Variants in CDH11 observed in about 807,000 individuals in gnomAD.
CDH11 encodes the protein cadherin-11.
CDH11 carries 11 observed loss-of-function variants against 67.8 expected under a neutral mutation model. That is an observed-to-expected ratio of 0.16 (90% CI 0.10 to 0.27). The LOEUF (loss-of-function observed/expected upper bound fraction) is 0.27, where lower values mean the gene tolerates loss of function less well. CDH11 is among the 10% of genes least tolerant of loss of function. The pLI is 1.00. For synonymous variants in CDH11, 419 were observed against 400.0 expected (o/e 1.05, Z -0.57); for missense variants, 847 against 1,031.2 (o/e 0.82, Z 2.45).
At position 64,948,606 on chromosome 16, in the gene CDH11, T is replaced by C. The variant is rs554550516; in HGVS notation, c.1895-507A>G. 207 of 1,608,718 alleles carry C rather than the reference T, an allele frequency of 1.3e-4. 2 individuals are homozygous for C. In the South Asian group the frequency reaches 2.2e-3, roughly 17 times the overall value. On this transcript the variant is annotated intron_variant, in intron 12 of 12. Transcript: ENST00000268603. Reference sequence around the variant, plus strand: ...CCTATACTAACTTAATGGGAAGTCTTACCGTAAGTGTGGTTGGACTCTCTG... The same window carrying C: ...CCTATACTAACTTAATGGGAAGTCTCACCGTAAGTGTGGTTGGACTCTCTG...
intron 1 of CDH11, among the ~76,000 whole-genome samples, chr16:65,109,110 C>G (rs1193128782): frequency 3.3e-5 from 5 of 151,940 alleles, no homozygotes; most frequent in African/African-American, 7.3e-5. Flanking sequence ...CAGCGCCACT[C>G]TACTCCAGCC....
chr16:65,039,800 C>T (rs2073829246), intron 2 of CDH11, among the ~76,000 whole-genome samples: 1 of 152,196 alleles, frequency 6.6e-6, no homozygotes, highest in South Asian at 2.1e-4. Context: ...AAAATTTTTG[C>T]AGTCTACTCA....
chr16:65,054,833 C>G (rs922450887), intron 1 of CDH11, among the ~76,000 whole-genome samples: 1 of 152,182 alleles, frequency 6.6e-6, no homozygotes, highest in African/African-American at 2.4e-5. Context: ...CAGCTTATTT[C>G]TTTGACTTGA....
chr16:65,029,372 A>G (rs560855968), intron 2 of CDH11, among the ~76,000 whole-genome samples: 16 of 152,354 alleles, frequency 1.1e-4, no homozygotes, highest in African/African-American at 3.4e-4. Flanking sequence ...TTTGTCGAAC[A>G]TATTTTAAGA....
chr16:65,010,442 G>A (rs1156950097), intron 2 of CDH11, among the ~76,000 whole-genome samples: 1 of 152,080 alleles, frequency 6.6e-6, no homozygotes, highest in Non-Finnish European at 1.5e-5. Context: ...GGGAGAAGAA[G>A]TATTACAAGA....
At chr16:65,056,289 C>T (rs551508436) in intron 1 of CDH11, among the ~76,000 whole-genome samples, 114 of 152,242 alleles carry the variant, frequency 7.5e-4, no homozygotes, top group Non-Finnish European at 1.2e-3. Context: ...AATCCATTTC[C>T]AGCTCTTTCA....
chr16:64,974,050 T>TA (rs530438436), intron 8 of CDH11, among the ~76,000 whole-genome samples: 191 of 152,158 alleles, frequency 1.3e-3, no homozygotes, highest in African/African-American at 1.8e-3. Context: ...TAATAACGGA[T>TA]AAAAAAACCA....
intron 7 of CDH11, among the ~76,000 whole-genome samples, chr16:64,983,991 G>A (rs1159704926): frequency 6.6e-6 from 1 of 152,152 alleles, no homozygotes; most frequent in African/African-American, 2.4e-5. Context: ...TTCCCACTGG[G>A]AAGCCCTGTG....
chr16:64,984,887 C>T (rs567280614), intron 7 of CDH11: 5 of 152,104 alleles, frequency 3.3e-5, no homozygotes, highest in Admixed American at 1.3e-4. Context: ...TATATACGTG[C>T]GGACAAAGAA....
At chr16:65,004,501 T>G in intron 3 of CDH11, 141 bp downstream of exon 3, 1 of 689,590 alleles carries the variant, frequency 1.5e-6, no homozygotes, top group Non-Finnish European at 2.4e-6. Context: ...TTATGTACAA[T>G]ATTTGGGTGG....
At chr16:64,960,673 A>G (rs1468420034) in intron 11 of CDH11, among the ~76,000 whole-genome samples, 1 of 152,138 alleles carries the variant, frequency 6.6e-6, no homozygotes, top group Non-Finnish European at 1.5e-5. Context: ...CAGAAACTTG[A>G]CATGGTTTCA....
At chr16:65,061,901 G>A (rs1281098857) in intron 1 of CDH11, among the ~76,000 whole-genome samples, 1 of 152,122 alleles carries the variant, frequency 6.6e-6, no homozygotes, top group Non-Finnish European at 1.5e-5. Context: ...TATAAGTCAG[G>A]TTCTGTGGTT....
At chr16:65,070,693 G>A (rs939356285) in intron 1 of CDH11, among the ~76,000 whole-genome samples, 1 of 152,138 alleles carries the variant, frequency 6.6e-6, no homozygotes, top group Non-Finnish European at 1.5e-5. Flanking sequence ...CCAGCACCTG[G>A]TATAGGTCAG....
chr16:64,956,320 T>A (rs2071510137), intron 11 of CDH11, among the ~76,000 whole-genome samples: 1 of 151,944 alleles, frequency 6.6e-6, no homozygotes, highest in African/African-American at 2.4e-5. Context: ...CGATGCTCAG[T>A]AAATATTAAT....
intron 1 of CDH11, among the ~76,000 whole-genome samples, chr16:65,060,338 C>CAT (rs56797143): frequency 0.16 from 23,743 of 144,692 alleles, 2,058 homozygotes; most frequent in South Asian, 0.26. Flanking sequence ...ATAAAATTTG[C>CAT]ATATATATAT....
Position 64,988,364 on chromosome 16 carries a change from AT to A in CDH11, c.812-21del, listed in dbSNP as rs780536096. The A allele has an allele frequency of 6.3e-7, 1 of 1,576,906 alleles. No homozygotes were observed. ...ATACGCCTAGAAGAAGAAGACATCT[AT>A]TTTTATTTTCTCTTTTATTTGGCAG... On this transcript the variant is annotated intron_variant, in intron 6 of 12. Transcript: ENST00000268603.
intron 2 of CDH11, among the ~76,000 whole-genome samples, chr16:65,021,876 G>GAA (rs35700448): frequency 0.012 from 1,347 of 109,774 alleles, 24 homozygotes; most frequent in African/African-American, 0.034. Context: ...AAGTAACTCA[G>GAA]AAAAAAAAAA....
At chr16:65,021,642 A>AC (rs1447471414) in intron 2 of CDH11, among the ~76,000 whole-genome samples, 1 of 150,730 alleles carries the variant, frequency 6.6e-6, no homozygotes, top group Non-Finnish European at 1.5e-5. Context: ...TCTTTAAAAA[A>AC]AAAAAAAATC....
At chr16:65,052,114 G>A (rs1284987964) in intron 2 of CDH11, among the ~76,000 whole-genome samples, 1 of 152,120 alleles carries the variant, frequency 6.6e-6, no homozygotes, top group Non-Finnish European at 1.5e-5. Context: ...TTCTCTGTTA[G>A]TCACCTTAGT....
Sources: gnomAD v4.1 joint callset for allele counts (sites outside exome capture counted in the v4.1 genomes callset) on GRCh38, gnomAD v4.1.1 for gene constraint, MANE v1.5 for transcripts, NCBI Gene and HGNC (gene_info 2026-07-23, HGNC 2026-07-21) for gene names.